KIFAP3: variants seen among roughly 807,000 people sequenced by gnomAD.
The protein encoded by KIFAP3 is kinesin associated protein 3, also known as kinesin-associated protein 3.
A neutral mutation model predicts 106.5 loss-of-function variants in KIFAP3; 68 were observed. The observed-to-expected ratio is 0.64, with a 90% CI of 0.53 to 0.78. The LOEUF (loss-of-function observed/expected upper bound fraction) is 0.78. KIFAP3 is among the 30% of genes least tolerant of loss of function. The pLI, the probability that KIFAP3 is intolerant of heterozygous loss-of-function variation, is 0.00. For synonymous variants in KIFAP3, 320 were observed against 311.5 expected (o/e 1.03, Z -0.29); for missense variants, 780 against 941.8 (o/e 0.83, Z 2.25).
At chr1:170,065,373 G>A (rs1421061302) in intron 1 of KIFAP3, among the ~76,000 whole-genome samples, 2 of 151,948 alleles carry the variant, frequency 1.3e-5, no homozygotes, top group Non-Finnish European at 2.9e-5. Flanking sequence ...CAGCATTTTG[G>A]GAAGCCGAGG....
At chr1:170,046,564 G>A (rs1418752934) in intron 3 of KIFAP3, 148 bp downstream of exon 3, 8 of 531,770 alleles carry the variant, frequency 1.5e-5, no homozygotes, top group Non-Finnish European at 2.3e-5. Context: ...TTTATTCTTT[G>A]TTGTTTACTC....
At chr1:169,954,391 T>C (rs1438913838) in intron 18 of KIFAP3, among the ~76,000 whole-genome samples, 2 of 152,052 alleles carry the variant, frequency 1.3e-5, no homozygotes, top group Non-Finnish European at 2.9e-5. Flanking sequence ...AGCAGGCTTA[T>C]GGTCTCGTAT....
intron 8 of KIFAP3, among the ~76,000 whole-genome samples, chr1:170,027,020 T>C (rs1571690841): frequency 6.8e-6 from 1 of 146,374 alleles, no homozygotes; most frequent in East Asian, 2.0e-4. Context: ...GCTTCTTTTT[T>C]TTTTTTTTTT....
At chr1:170,066,186 C>A (rs76940942) in intron 1 of KIFAP3, among the ~76,000 whole-genome samples, 55 of 101,540 alleles carry the variant, frequency 5.4e-4, no homozygotes, top group East Asian at 5.2e-3. Flanking sequence ...CCCCCCCCCC[C>A]ATTCTTTATG....
intron 1 of KIFAP3, among the ~76,000 whole-genome samples, chr1:170,084,798 A>G (rs1156973241): frequency 6.6e-6 from 1 of 152,214 alleles, no homozygotes; most frequent in African/African-American, 2.4e-5. Flanking sequence ...AACCTGGTAT[A>G]CGAGAACATG....
At chr1:169,971,703 A>T (rs151190696) in intron 17 of KIFAP3, among the ~76,000 whole-genome samples, 1 of 152,174 alleles carries the variant, frequency 6.6e-6, no homozygotes, top group African/African-American at 2.4e-5. Flanking sequence ...TTTAAAAAAA[A>T]ATGTTATTCT....
chr1:170,028,414 T>G (rs1474578893), intron 8 of KIFAP3, among the ~76,000 whole-genome samples: 1 of 152,208 alleles, frequency 6.6e-6, no homozygotes. Flanking sequence ...CTTGGCTCAT[T>G]GCAACCTCCG....
chr1:170,061,980 A>G (rs1406167548), intron 1 of KIFAP3, among the ~76,000 whole-genome samples: 1 of 152,108 alleles, frequency 6.6e-6, no homozygotes, highest in African/African-American at 2.4e-5. Flanking sequence ...ACTTGGACAC[A>G]GAATGGGGAA....
intron 19 of KIFAP3, among the ~76,000 whole-genome samples, chr1:169,938,131 T>C (rs186030599): frequency 1.1e-3 from 169 of 152,076 alleles, no homozygotes; most frequent in Non-Finnish European, 1.8e-3. Context: ...AGAGTTGCTT[T>C]TGAAAATAAA....
At chr1:170,018,876 T>C (rs1359629051) in intron 9 of KIFAP3, among the ~76,000 whole-genome samples, 1 of 152,182 alleles carries the variant, frequency 6.6e-6, no homozygotes. Context: ...ACTGTAGTCA[T>C]ACCCTAGAGC....
intron 1 of KIFAP3, among the ~76,000 whole-genome samples, chr1:170,056,882 G>T (rs1670877982): frequency 6.6e-6 from 1 of 151,862 alleles, no homozygotes; most frequent in African/African-American, 2.4e-5. Context: ...CAGAAGCCAG[G>T]GAGGCCAGCA....
chr1:170,053,450 T>C (rs766264767), intron 2 of KIFAP3, among the ~76,000 whole-genome samples: 21 of 152,208 alleles, frequency 1.4e-4, no homozygotes, highest in Non-Finnish European at 2.5e-4. Flanking sequence ...CAAGCTAGCA[T>C]TGATTTTTTT....
chr1:169,937,124 TAAAGAG>T (rs1057378081), intron 19 of KIFAP3, among the ~76,000 whole-genome samples: 61 of 151,464 alleles, frequency 4.0e-4, no homozygotes, highest in African/African-American at 1.4e-3. Flanking sequence ...GAAAGAATAA[TAAAGAG>T]AATGCTTTAA....
In KIFAP3 at chr1:170,034,356, C is replaced by A; in HGVS notation, c.742+16G>T. ...AAAAGACAACAGACGGTTCAAATGC[C>A]ACTCTAAAAGGATATCAGCTTTCTT... On this transcript the variant is annotated intron_variant, in intron 7 of 19. Transcript: ENST00000361580. 2 of 1,597,456 alleles carry A rather than the reference C, an allele frequency of 1.3e-6. No individual in the cohort carries two copies. The highest frequency in any genetic ancestry group is 1.2e-5 in the South Asian group (1 of 86,644).
chr1:170,032,406 A>G (rs1331939139), intron 7 of KIFAP3, among the ~76,000 whole-genome samples: 2 of 151,788 alleles, frequency 1.3e-5, no homozygotes, highest in Non-Finnish European at 3.0e-5. Context: ...TTTACTTCAG[A>G]CAGATGCCCA....
upstream of KIFAP3, chr1:170,074,802 A>C: frequency 2.5e-6 from 3 of 1,189,138 alleles, no homozygotes; most frequent in Non-Finnish European, 3.2e-6. Context: ...CCGAGCAGGG[A>C]AGTTTTGGTG....
intron 19 of KIFAP3, among the ~76,000 whole-genome samples, chr1:169,929,761 T>C (rs1663362575): frequency 6.6e-6 from 1 of 152,122 alleles, no homozygotes; most frequent in South Asian, 2.1e-4. Flanking sequence ...CTAGTATTTT[T>C]TTTCAAAAAT....
intron 19 of KIFAP3, among the ~76,000 whole-genome samples, chr1:169,947,464 C>G (rs1464821260): frequency 6.6e-6 from 1 of 151,810 alleles, no homozygotes; most frequent in Non-Finnish European, 1.5e-5. Context: ...CAACCTGGAT[C>G]CAGCTAAGAA....
At position 169,972,520 on chromosome 1, in the gene KIFAP3, A is replaced by G; in HGVS notation, c.1976T>C (p.Ile659Thr). Reference protein sequence around the residue: ...IRKVCDNTLDIIAEYDEEWAK... With the variant: ...IRKVCDNTLDTIAEYDEEWAK... ...GAAAAAATAATTACTTACCGCTATAATATCTAATGTATTATCACAGACCTT... is the reference window on the plus strand; with the variant it reads ...GAAAAAATAATTACTTACCGCTATAGTATCTAATGTATTATCACAGACCTT... Residue 659 changes from isoleucine (I) to threonine (T), a missense_variant, in exon 17 of 20, where the codon ATT becomes ACT. By Grantham distance (89) the Ile-to-Thr change is moderately conservative. Transcript: ENST00000361580. 2.9e-6 allele frequency: 4 copies of G among 1,400,564 alleles called. No individual in the cohort carries two copies. In the South Asian group the frequency reaches 4.7e-5, roughly 17 times the overall value. The allele number at this position is 1,400,564 out of a possible 1,614,324, so 86.8% of individuals were successfully genotyped here.
Sources: gnomAD v4.1 joint callset for allele counts (sites outside exome capture counted in the v4.1 genomes callset) on GRCh38, gnomAD v4.1.1 for gene constraint, MANE v1.5 for transcripts, NCBI Gene and HGNC (gene_info 2026-07-23, HGNC 2026-07-21) for gene names.